The following SULT1E1 variants were observed in gnomAD, a reference collection of about 807,000 sequenced individuals.
SULT1E1 encodes the protein sulfotransferase family 1E member 1.
SULT1E1 carries 36 observed loss-of-function variants against 33.6 expected under a neutral mutation model. The observed-to-expected ratio is 1.07, with a 90% confidence interval of 0.82 to 1.41. The LOEUF is 1.41. Among genes scored for constraint, SULT1E1 ranks in the 40% most tolerant of loss-of-function variants. The pLI is 0.00. For synonymous variants in SULT1E1, 121 were observed against 111.7 expected, an observed-to-expected ratio of 1.08 and a Z score of -0.53; for missense variants, 371 against 345.7, an observed-to-expected ratio of 1.07 and a Z score of -0.58.
chr4:69,850,216 T>A (rs1009305627), intron 4 of SULT1E1, among the ~76,000 whole-genome samples: 2 of 152,068 alleles, frequency 1.3e-5, no homozygotes, highest in African/African-American at 4.8e-5. Context: ...AGTACAGTAA[T>A]TTTTGACCTA....
In SULT1E1 at chr4:69,842,171, T is replaced by C; in HGVS notation, c.773-65A>G. 4 of 849,990 alleles carry C rather than the reference T, an allele frequency of 4.7e-6. No homozygotes were observed. The South Asian group carries it at 6.0e-5, about 13-fold the overall frequency. 52.7% of individuals were successfully genotyped at this position (849,990 alleles called of 1,614,324 possible). On this transcript the variant is annotated intron_variant, in intron 7 of 7. Coordinates refer to ENST00000226444, the MANE Select transcript of SULT1E1 (RefSeq NM_005420.3). The stretch of plus-strand genomic sequence containing the variant: ...CAAAAAGAATCATTAGGTTTGCTAA[T>C]TTCATCACTTTCATTAACACCTAAT...
intron 6 of SULT1E1, among the ~76,000 whole-genome samples, chr4:69,845,341 C>T (rs1720951856): frequency 6.6e-6 from 1 of 151,504 alleles, no homozygotes; most frequent in Non-Finnish European, 1.5e-5. Context: ...GTGATGAATA[C>T]CTCATTTACC....
chr4:69,831,182 G>A, the SULT1E1 span, among the ~76,000 whole-genome samples: 1 of 152,162 alleles, frequency 6.6e-6, no homozygotes, highest in Non-Finnish European at 1.5e-5. Context: ...AAGGGGGGTT[G>A]ATTGGAACCT....
downstream of SULT1E1, among the ~76,000 whole-genome samples, chr4:69,839,680 G>T (rs967286018): frequency 6.6e-6 from 1 of 152,028 alleles, no homozygotes; most frequent in East Asian, 1.9e-4. Flanking sequence ...AGCTACATTG[G>T]CCACCCCTAT....
intron 7 of SULT1E1, among the ~76,000 whole-genome samples, chr4:69,842,979 G>A (rs1237539689): frequency 6.6e-6 from 1 of 151,952 alleles, no homozygotes; most frequent in Non-Finnish European, 1.5e-5. Flanking sequence ...TGGGACTACA[G>A]GCGCCCGCCA....
the SULT1E1 span, among the ~76,000 whole-genome samples, chr4:69,827,733 C>T: frequency 9.2e-5 from 14 of 152,134 alleles, no homozygotes; most frequent in Non-Finnish European, 1.8e-4. Flanking sequence ...GAGGAACAGG[C>T]CCAAAAGGAA....
rs1223616748 is a variant in SULT1E1 at position 69,860,102 on chromosome 4, C to G, written c.-63G>C. 1 of 151,962 alleles carries G rather than the reference C, an allele frequency of 6.6e-6. No individual in the cohort carries two copies. Among genetic ancestry groups the G allele is most frequent in the Admixed American group, 6.6e-5 (1 of 15,242 alleles). The allele number at this position is 151,962 out of a possible 1,614,324, so 9.4% of individuals were successfully genotyped here. Reference sequence around the variant, plus strand: ...GATCTAGTTTATATCTCTTCAAATACCAAGGCAGATCTTAAGCTGCAAAAA... The same window carrying G: ...GATCTAGTTTATATCTCTTCAAATAGCAAGGCAGATCTTAAGCTGCAAAAA... On this transcript the variant is annotated 5_prime_UTR_variant, in exon 1 of 8. Coordinates refer to ENST00000226444, the MANE Select transcript of SULT1E1 (RefSeq NM_005420.3).
At chr4:69,847,115 T>C (rs998494180) in intron 6 of SULT1E1, among the ~76,000 whole-genome samples, 1 of 151,772 alleles carries the variant, frequency 6.6e-6, no homozygotes, top group East Asian at 1.9e-4. Flanking sequence ...CTCCATCTTT[T>C]ACTTCAATAA....
chr4:69,847,008 T>C (rs1720990361), intron 6 of SULT1E1, among the ~76,000 whole-genome samples: 1 of 151,674 alleles, frequency 6.6e-6, no homozygotes, highest in Non-Finnish European at 1.5e-5. Context: ...ACCAAAAACA[T>C]TTTTATTTTT....
Position 69,851,452 on chromosome 4 carries a change from A to T in SULT1E1, c.370-1889T>A, listed in dbSNP as rs544506933. 3.1e-3 allele frequency among the ~76,000 whole-genome samples: 471 copies of T among 152,286 alleles called. 1 individual carries two copies. Among genetic ancestry groups the T allele is most frequent in the Non-Finnish European group, 5.4e-3 (369 of 68,024 alleles). On this transcript the variant is annotated intron_variant, in intron 4 of 7. Coordinates refer to ENST00000226444, the MANE Select transcript of SULT1E1 (RefSeq NM_005420.3). ...CCGTCTCACACCAGTTAGAATGGTGATCATTAAAAAGTCAGGAAACAACAG... is the reference window on the plus strand; with the variant it reads ...CCGTCTCACACCAGTTAGAATGGTGTTCATTAAAAAGTCAGGAAACAACAG...
At chr4:69,822,640 T>C in the SULT1E1 span, among the ~76,000 whole-genome samples, 1 of 152,170 alleles carries the variant, frequency 6.6e-6, no homozygotes, top group Non-Finnish European at 1.5e-5. Flanking sequence ...GGTTCTGTAC[T>C]GCAAGATTTT....
At chr4:69,854,352 A>G (rs747271804) in intron 3 of SULT1E1, 38 bp from the exon 4 acceptor site, 5 of 1,319,120 alleles carry the variant, frequency 3.8e-6, no homozygotes, top group Non-Finnish European at 5.4e-6. Context: ...CAACTTCAAA[A>G]ATTGTAACTA....
chr4:69,847,160 C>CTCA (rs1376958086), intron 6 of SULT1E1, among the ~76,000 whole-genome samples: 1 of 151,550 alleles, frequency 6.6e-6, no homozygotes, highest in Non-Finnish European at 1.5e-5. Flanking sequence ...TATTATTGAA[C>CTCA]CCATCTCTTA....
At chr4:69,822,002 T>A in the SULT1E1 span, among the ~76,000 whole-genome samples, 1 of 152,312 alleles carries the variant, frequency 6.6e-6, no homozygotes, top group South Asian at 2.1e-4. Context: ...TTGTGAACTA[T>A]CCAGATTGAA....
At chr4:69,840,968 C>A (rs1044997323), downstream of SULT1E1, among the ~76,000 whole-genome samples, 10 of 152,190 alleles carry the variant, frequency 6.6e-5, no homozygotes, top group Admixed American at 5.2e-4. Flanking sequence ...ATGGCGGGAA[C>A]CCAGGAGGTG....
the SULT1E1 span, among the ~76,000 whole-genome samples, chr4:69,827,427 TAGA>T: frequency 6.6e-6 from 1 of 152,132 alleles, no homozygotes; most frequent in African/African-American, 2.4e-5. Flanking sequence ...ACCCGTGTTC[TAGA>T]AGGACTAAGG....
At chr4:69,845,949 A>C (rs1560554626) in intron 6 of SULT1E1, among the ~76,000 whole-genome samples, 1 of 150,826 alleles carries the variant, frequency 6.6e-6, no homozygotes. Flanking sequence ...ATTATTTATG[A>C]TTTTATTTTA....
At chr4:69,821,485 T>C in the SULT1E1 span, among the ~76,000 whole-genome samples, 1 of 152,348 alleles carries the variant, frequency 6.6e-6, no homozygotes, top group Admixed American at 6.5e-5. Context: ...AGAACTATTC[T>C]TCCCTTATGC....
chr4:69,854,364 T>G (rs777265368), intron 3 of SULT1E1, 50 bp from the exon 4 acceptor site: 1 of 1,127,098 alleles, frequency 8.9e-7, no homozygotes, highest in Non-Finnish European at 1.3e-6. Context: ...TTGTAACTAT[T>G]TATGTGGATT....
Sources: allele counts gnomAD v4.1 joint callset (sites outside exome capture counted in the v4.1 genomes callset), GRCh38; gene constraint gnomAD v4.1.1; transcripts MANE v1.5; gene names NCBI Gene and HGNC (gene_info 2026-07-23, HGNC 2026-07-21).